Variants in TRPC6 observed in about 807,000 individuals in gnomAD.
TRPC6 encodes short transient receptor potential channel 6.
Under a neutral mutation model 90.7 loss-of-function variants are expected in TRPC6, and 55 were observed. That is an observed-to-expected ratio of 0.61 (90% CI 0.49 to 0.76). The LOEUF (loss-of-function observed/expected upper bound fraction) is 0.76. Ranked by LOEUF, TRPC6 falls within the 30% of genes least tolerant of loss-of-function variation. TRPC6 has a pLI of 0.00. For synonymous variants in TRPC6, 393 were observed against 393.0 expected (o/e 1.00, Z 0.00); for missense variants, 989 against 1,122.7 (o/e 0.88, Z 1.70).
intron 1 of TRPC6, among the ~76,000 whole-genome samples, chr11:101,581,880 A>G (rs985809978): frequency 2.0e-5 from 3 of 152,178 alleles, no homozygotes; most frequent in African/African-American, 7.2e-5. Context: ...CAAGATTTCC[A>G]CATGATTTGC....
chr11:101,466,191 C>T (rs1258364013), intron 10 of TRPC6, among the ~76,000 whole-genome samples: 1 of 152,124 alleles, frequency 6.6e-6, no homozygotes, highest in Admixed American at 6.5e-5. Context: ...GGGTCAGGGA[C>T]CCACTTGAAG....
chr11:101,471,178 G>A lies in TRPC6; in HGVS notation c.2409+5C>T. 1 of 1,613,608 alleles carries A rather than the reference G, an allele frequency of 6.2e-7. No individual in the cohort carries two copies. Among genetic ancestry groups the A allele is most frequent in the Non-Finnish European group, 8.5e-7 (1 of 1,179,686 alleles). ...ATACAATGATAACTTATCAAGCTAA[G>A]TTACCTTGTTCATCTCTGCATCTTC... On this transcript the variant is annotated splice_donor_5th_base_variant and intron_variant, in intron 9 of 12. Transcript: ENST00000344327.
chr11:101,491,495 A>G, intron 3 of TRPC6, 61 bp downstream of exon 3: 1 of 1,590,662 alleles, frequency 6.3e-7, no homozygotes, highest in Middle Eastern at 1.7e-4. Context: ...TCAACCCTTT[A>G]TCCTTATTTA....
At position 101,453,068 on chromosome 11, in the gene TRPC6, G is replaced by A. The variant is rs121434394; in HGVS notation, c.2683C>T (p.Arg895Cys). The A allele has an allele frequency of 1.9e-6, 3 of 1,613,734 alleles. No homozygotes were observed. The highest frequency in any genetic ancestry group is 1.1e-5 in the South Asian group (1 of 91,084). ...KEIKQDISSL[R>C]YELLEEKSQN... ...GATTTTTCTTCAAGGAGTTCATAGC[G>A]GAGACTTGAGATGTCCTGCTTAATT... Residue 895 changes from arginine (R) to cysteine (C), a missense_variant, in exon 13 of 13, where the codon CGC (arginine) becomes TGC (cysteine). Physicochemically the swap from Arg to Cys is radical, Grantham distance 180 (BLOSUM62 -3). Transcript: ENST00000344327.
At chr11:101,547,033 T>C (rs1467915826) in intron 1 of TRPC6, among the ~76,000 whole-genome samples, 3 of 152,092 alleles carry the variant, frequency 2.0e-5, no homozygotes, top group African/African-American at 7.2e-5. Flanking sequence ...TGTTAAGTGA[T>C]AATGAAAAAC....
At chr11:101,496,602 A>G (rs1378735217) in intron 2 of TRPC6, among the ~76,000 whole-genome samples, 1 of 152,230 alleles carries the variant, frequency 6.6e-6, no homozygotes, top group Non-Finnish European at 1.5e-5. Context: ...GTGGCTGCTT[A>G]GTTAATATAG....
At chr11:101,536,452 A>AGT (rs1264367813) in intron 1 of TRPC6, among the ~76,000 whole-genome samples, 35 of 149,220 alleles carry the variant, frequency 2.3e-4, no homozygotes, top group Non-Finnish European at 4.8e-4. Context: ...AAGTGCTCAG[A>AGT]GTGTGGTAAG....
rs568790461 is a variant in TRPC6, at chr11:101,502,217, G to T, written c.945+1807C>A. 4.1e-4 allele frequency among the ~76,000 whole-genome samples: 63 copies of T among 152,230 alleles called. 1 individual carries two copies. In the South Asian group the frequency reaches 6.4e-3, roughly 16 times the overall value. ...TTGCAATGCATTTAGGGACCATGAA[G>T]AATTTACATCCTGGTTAAATGTGAT... On this transcript the variant is annotated intron_variant, in intron 2 of 12. Coordinates refer to ENST00000344327, the MANE Select transcript of TRPC6 (RefSeq NM_004621.6).
rs71056611 is a variant in TRPC6, at chr11:101,491,836, C to CTTTTTTT, written c.946-105_946-99dup. 1.4e-3 allele frequency: 608 copies of CTTTTTTT among 444,958 alleles called. 32 individuals are homozygous for CTTTTTTT. In the African/African-American group the frequency reaches 0.016, roughly 12 times the overall value. 27.6% of individuals were successfully genotyped at this position (444,958 alleles called of 1,614,324 possible). A position where few individuals can be genotyped will look rare whatever the true frequency, so the allele number is the denominator to read the frequency against. ...GATTTTATACTTTAAGAGAAACATT[C>CTTTTTTT]TTTTTTTTTTTTTTTTTTTTTTGAG... On this transcript the variant is annotated intron_variant, in intron 2 of 12. Transcript: ENST00000344327.
At chr11:101,472,437 A>G (rs1426091233) in intron 7 of TRPC6, 105 bp from the exon 8 acceptor site, 1 of 1,126,222 alleles carries the variant, frequency 8.9e-7, no homozygotes, top group Non-Finnish European at 1.3e-6. Context: ...ATTAGTGAGT[A>G]TAAAAAAAAT....
At chr11:101,566,315 T>C (rs979481507) in intron 1 of TRPC6, among the ~76,000 whole-genome samples, 1 of 152,204 alleles carries the variant, frequency 6.6e-6, no homozygotes, top group Non-Finnish European at 1.5e-5. Flanking sequence ...TTCATTTCAG[T>C]ATTTAAGATT....
chr11:101,536,842 A>G (rs972759099), intron 1 of TRPC6, among the ~76,000 whole-genome samples: 1 of 152,192 alleles, frequency 6.6e-6, no homozygotes, highest in Non-Finnish European at 1.5e-5. Context: ...ATACTTTGCA[A>G]TCTGAGGAAT....
rs1193551573 is a variant in TRPC6, at chr11:101,453,596, G to C, written c.2644+54C>G. ...GCAGCTCTCCAGGCACTCTGCGCTA[G>C]GCCCCCGTCCTGACTCACATTCAGG... is the stretch of plus-strand genomic sequence containing the variant. On this transcript the variant is annotated intron_variant, in intron 12 of 12. Transcript: ENST00000344327. The C allele has an allele frequency of 1.0e-5, 16 of 1,532,780 alleles. No homozygotes were observed. The African/African-American group carries it at 1.8e-4, about 17-fold the overall frequency. 94.9% of individuals were successfully genotyped at this position (1,532,780 alleles called of 1,614,324 possible). A position where few individuals can be genotyped will look rare whatever the true frequency, so the allele number is the denominator to read the frequency against.
At chr11:101,472,630 G>A (rs1303544707) in intron 7 of TRPC6, among the ~76,000 whole-genome samples, 1 of 152,088 alleles carries the variant, frequency 6.6e-6, no homozygotes, top group African/African-American at 2.4e-5. Context: ...TTAATCCATA[G>A]CGTTGGCAAT....
Position 101,482,946 on chromosome 11 carries a change from T to C in TRPC6, c.1510+3A>G, listed in dbSNP as rs775281549. 1.6e-5 allele frequency: 26 copies of C among 1,613,868 alleles called. No homozygotes were observed. The highest frequency in any genetic ancestry group is 2.1e-5 in the Non-Finnish European group (25 of 1,179,796). On this transcript the variant is annotated splice_donor_region_variant and intron_variant, in intron 5 of 12. Coordinates refer to ENST00000344327, the MANE Select transcript of TRPC6 (RefSeq NM_004621.6). ...GAAAACATGACAGAAAATCAGTCTT[T>C]ACCTATTACCCAGGATATAATGAGC...
At chr11:101,456,861 CAT>C (rs1858894928) in intron 10 of TRPC6, among the ~76,000 whole-genome samples, 2 of 152,022 alleles carry the variant, frequency 1.3e-5, no homozygotes, top group Admixed American at 6.6e-5. Flanking sequence ...GCATATATAA[CAT>C]ATTTTATTTT....
chr11:101,544,958 T>C (rs1418526396), intron 1 of TRPC6, among the ~76,000 whole-genome samples: 1 of 152,206 alleles, frequency 6.6e-6, no homozygotes, highest in African/African-American at 2.4e-5. Context: ...GGAGCACCAG[T>C]AGTGCTATAT....
chr11:101,548,871 T>C (rs929777343), intron 1 of TRPC6, among the ~76,000 whole-genome samples: 1 of 151,940 alleles, frequency 6.6e-6, no homozygotes, highest in Non-Finnish European at 1.5e-5. Context: ...TCATATAATT[T>C]TGCTTTGTCA....
At chr11:101,541,844 T>C (rs765210316) in intron 1 of TRPC6, among the ~76,000 whole-genome samples, 10 of 152,188 alleles carry the variant, frequency 6.6e-5, no homozygotes, top group African/African-American at 1.2e-4. Context: ...TTAACATTGG[T>C]AACGACAATG....
Sources: allele counts gnomAD v4.1 joint callset (sites outside exome capture counted in the v4.1 genomes callset), GRCh38; gene constraint gnomAD v4.1.1; transcripts MANE v1.5; gene names NCBI Gene and HGNC (gene_info 2026-07-23, HGNC 2026-07-21).